PAX6: variants seen among roughly 807,000 people sequenced by gnomAD.
PAX6 encodes paired box 6, also known as paired box protein Pax-6.
In PAX6, 7 loss-of-function variants were observed where a neutral mutation model predicts 60.7. The observed-to-expected ratio is 0.12, with a 90% CI of 0.07 to 0.22. The LOEUF (loss-of-function observed/expected upper bound fraction) is 0.22, where lower values mean the gene tolerates loss of function less well. Ranked by LOEUF, PAX6 falls within the 10% of genes least tolerant of loss-of-function variation. PAX6 has a pLI of 1.00. For synonymous variants in PAX6, 208 were observed against 201.2 expected, an observed-to-expected ratio of 1.03 and a Z score of -0.29; for missense variants, 355 against 555.2, an observed-to-expected ratio of 0.64 and a Z score of 3.62.
chr11:31,816,679 G>C, intron 1 of PAX6: 1 of 680,094 alleles, frequency 1.5e-6, no homozygotes, highest in Non-Finnish European at 2.6e-6. Flanking sequence ...CTCGTCCCCC[G>C]TTTCCAGGTG....
At chr11:31,815,930 C>T (rs994274836), upstream of PAX6, among the ~76,000 whole-genome samples, 1 of 152,214 alleles carries the variant, frequency 6.6e-6, no homozygotes, top group African/African-American at 2.4e-5. Context: ...TTGGCTCAGC[C>T]GAATGCGGCC....
intron 8 of PAX6, among the ~76,000 whole-genome samples, chr11:31,796,440 C>A (rs569994941): frequency 1.4e-4 from 20 of 147,540 alleles, no homozygotes; most frequent in Admixed American, 4.1e-4. Context: ...GAAGAGCGGG[C>A]GCCTCCGTGC....
At chr11:31,793,269 C>T in intron 12 of PAX6, 169 bp downstream of exon 12, 1 of 711,400 alleles carries the variant, frequency 1.4e-6, no homozygotes, top group Non-Finnish European at 2.6e-6. Flanking sequence ...ATGAGTCAAT[C>T]ACTTAAAAGT....
upstream of PAX6, among the ~76,000 whole-genome samples, chr11:31,815,861 A>G (rs1234599736): frequency 6.6e-6 from 1 of 152,082 alleles, no homozygotes; most frequent in Admixed American, 6.5e-5. Context: ...TGACTTCCAA[A>G]CCTGGCTAGC....
intron 8 of PAX6, 146 bp downstream of exon 8, chr11:31,800,545 G>T: frequency 1.0e-6 from 1 of 972,640 alleles, no homozygotes; most frequent in Non-Finnish European, 1.6e-6. Context: ...ATACAATGTG[G>T]TCGATGTGTC....
chr11:31,797,781 C>T (rs113183617), intron 8 of PAX6, among the ~76,000 whole-genome samples: 1 of 152,280 alleles, frequency 6.6e-6, no homozygotes, highest in African/African-American at 2.4e-5. Context: ...GACTCCCCCA[C>T]CCCCACGATA....
chr11:31,816,286 T>C (rs1307639633), upstream of PAX6: 1 of 397,698 alleles, frequency 2.5e-6, no homozygotes, highest in African/African-American at 2.1e-5. Flanking sequence ...GAATAGTAAT[T>C]CCAGTCATCC....
rs1000659731 is a variant in PAX6 at position 31,809,936 on chromosome 11, G to GC, written c.-129+891dup. 4.1e-4 allele frequency: 63 copies of GC among 152,552 alleles called. 1 individual carries two copies. The highest frequency in any genetic ancestry group is 1.4e-3 in the African/African-American group (60 of 41,594). 9.4% of individuals were successfully genotyped at this position (152,552 alleles called of 1,614,324 possible). A position where few individuals can be genotyped will look rare whatever the true frequency, so the allele number is the denominator to read the frequency against. On this transcript the variant is annotated intron_variant, in intron 2 of 13. Coordinates refer to ENST00000640368, the MANE Select transcript of PAX6 (RefSeq NM_001368894.2). ...GCAGGGGGCCGGAGAACAGGGAAGAGCCCCAGCCTCCGCAAGGCAAGGGAG... is the reference window on the plus strand; with the variant it reads ...GCAGGGGGCCGGAGAACAGGGAAGAGCCCCCAGCCTCCGCAAGGCAAGGGAG...
intron 5 of PAX6, 86 bp downstream of exon 5, chr11:31,802,618 G>A (rs1220649607): frequency 2.7e-6 from 4 of 1,467,340 alleles, no homozygotes; most frequent in Admixed American, 4.0e-5. Context: ...TCCATAATTA[G>A]CATCGTTTAC....
intron 9 of PAX6, 60 bp from the exon 10 acceptor site, chr11:31,794,174 A>C: frequency 8.8e-7 from 1 of 1,136,106 alleles, no homozygotes. Context: ...TGTTGACCAA[A>C]CTGTGCATCA....
At chr11:31,799,953 C>T (rs547285433) in intron 8 of PAX6, among the ~76,000 whole-genome samples, 1 of 146,070 alleles carries the variant, frequency 6.8e-6, no homozygotes, top group East Asian at 2.1e-4. Context: ...CCCCTCCGCC[C>T]CACCCCCCCC....
chr11:31,811,411 C>G, upstream of PAX6: 1 of 397,224 alleles, frequency 2.5e-6, no homozygotes. Flanking sequence ...TCCCTCTCCC[C>G]GCCTGGTGCA....
At position 31,793,733 on chromosome 11, in the gene PAX6, T is replaced by C; in HGVS notation, c.877A>G (p.Ser293Gly). Residue 293 changes from serine (S) to glycine (G), a missense_variant, in exon 11 of 14, where the codon AGC becomes GGC. Transcript: ENST00000640368. ...ATAGGAATATGACTAGGTGTGTTGC[T>C]GGCCTGTCTTCTCTGATTCCTCAGT... ...EKLRNQRRQA[S>G]NTPSHIPISS... 6.2e-7 allele frequency: 1 copy of C among 1,614,210 alleles called. No homozygotes were observed. Among genetic ancestry groups the C allele is most frequent in the Non-Finnish European group, 8.5e-7 (1 of 1,180,012 alleles).
Position 31,811,199 on chromosome 11 carries a change from T to C in PAX6, c.-401A>G, listed in dbSNP as rs1195103239. 4 of 399,204 alleles carry C rather than the reference T, an allele frequency of 1.0e-5. No homozygotes were observed. Among genetic ancestry groups the C allele is most frequent in the African/African-American group, 4.1e-5 (2 of 48,642 alleles). 24.7% of individuals were successfully genotyped at this position (399,204 alleles called of 1,614,324 possible). A position where few individuals can be genotyped will look rare whatever the true frequency, so the allele number is the denominator to read the frequency against. ...CCTCCACCGCTCCTCACTGGCCCAT[T>C]AGCGAAGCCTGACCTCTGTCATCAT... On this transcript the variant is annotated 5_prime_UTR_variant, in exon 1 of 14. It removes the in-frame stop codon of an upstream open reading frame in the 5' UTR. Coordinates refer to ENST00000640368, the MANE Select transcript of PAX6 (RefSeq NM_001368894.2).
rs1955771954 is a variant in PAX6, at chr11:31,806,262, G to A, written c.10+140C>T. ...TCCCGGGCTGCCGGGCGCGGAGCGG[G>A]GAGCAGCCGCCGCAGGTCCCCGGGC... is the stretch of plus-strand genomic sequence containing the variant. On this transcript the variant is annotated intron_variant, in intron 4 of 13. Coordinates refer to ENST00000640368, the MANE Select transcript of PAX6 (RefSeq NM_001368894.2). 3 of 908,240 alleles carry A rather than the reference G, an allele frequency of 3.3e-6. No homozygotes were observed. In the African/African-American group the frequency reaches 5.3e-5, roughly 16 times the overall value. 56.3% of individuals were successfully genotyped at this position (908,240 alleles called of 1,614,324 possible). A position where few individuals can be genotyped will look rare whatever the true frequency, so the allele number is the denominator to read the frequency against.
In PAX6 at chr11:31,794,419, ACC is replaced by A. The variant is rs1950834255; in HGVS notation, c.724+209_724+210del. ...GAAAAGAAGAAACACACACACACAC[ACC>A]ACACACACACACACACACACACACA... On this transcript the variant is annotated intron_variant, in intron 9 of 13. Coordinates refer to ENST00000640368, the MANE Select transcript of PAX6 (RefSeq NM_001368894.2). The A allele has an allele frequency of 5.4e-5, 22 of 408,970 alleles. 1 individual carries two copies. In the South Asian group the frequency reaches 6.8e-4, roughly 13 times the overall value. 25.3% of individuals were successfully genotyped at this position (408,970 alleles called of 1,614,324 possible). A position where few individuals can be genotyped will look rare whatever the true frequency, so the allele number is the denominator to read the frequency against.
chr11:31,801,237 A>T lies in PAX6; in HGVS notation c.399+324T>A. The T allele has an allele frequency of 2.9e-6, 4 of 1,363,866 alleles. No homozygotes were observed. The South Asian group carries it at 6.2e-5, about 21-fold the overall frequency. 84.5% of individuals were successfully genotyped at this position (1,363,866 alleles called of 1,614,324 possible). A position where few individuals can be genotyped will look rare whatever the true frequency, so the allele number is the denominator to read the frequency against. ...GAAATGGATGTGTGACACCTGAAGG[A>T]AAGTTCTGGCAGGTGGATTAGGACG... On this transcript the variant is annotated intron_variant, in intron 7 of 13. Coordinates refer to ENST00000640368, the MANE Select transcript of PAX6 (RefSeq NM_001368894.2).
At chr11:31,791,069 T>G (rs1237584666) in intron 12 of PAX6, 9 of 676,682 alleles carry the variant, frequency 1.3e-5, no homozygotes, top group African/African-American at 1.2e-4. Context: ...TGCCTATGTA[T>G]CAAGCCTCTA....
intron 13 of PAX6, 140 bp downstream of exon 13, chr11:31,790,570 C>G (rs1182705490): frequency 8.5e-6 from 13 of 1,528,986 alleles, no homozygotes; most frequent in Non-Finnish European, 8.0e-6. Flanking sequence ...ACTGAATTTC[C>G]CTTTTCAATC....
Sources: gnomAD v4.1 joint callset for allele counts (sites outside exome capture counted in the v4.1 genomes callset) on GRCh38, gnomAD v4.1.1 for gene constraint, MANE v1.5 for transcripts, NCBI Gene and HGNC (gene_info 2026-07-23, HGNC 2026-07-21) for gene names.